ERC1: variants seen among roughly 807,000 people sequenced by gnomAD.
ERC1 encodes the protein ELKS/RAB6-interacting/CAST family member 1.
A neutral mutation model predicts 132.0 loss-of-function variants in ERC1; 56 were observed. The ratio of observed to expected loss-of-function variants is 0.42; its 90% CI spans 0.34 to 0.53. The LOEUF (loss-of-function observed/expected upper bound fraction) is 0.53, where lower values mean the gene tolerates loss of function less well. ERC1 is among the 20% of genes least tolerant of loss of function. The probability of loss-of-function intolerance (pLI) is 0.03; values close to 1 mark genes in which losing one functional copy is unlikely to be tolerated. For missense variants in ERC1, 1,202 were observed against 1,349.9 expected, an observed-to-expected ratio of 0.89 and a Z score of 1.72; for synonymous variants, 478 against 476.1, an observed-to-expected ratio of 1.00 and a Z score of -0.05.
chr12:1,473,973 T>C (rs1273853544), intron 18 of ERC1, among the ~76,000 whole-genome samples: 1 of 152,336 alleles, frequency 6.6e-6, no homozygotes, highest in East Asian at 1.9e-4. Flanking sequence ...GTAAGTTTTA[T>C]GTCTTATTCA....
At chr12:1,483,784 G>A (rs1418831244) in intron 18 of ERC1, among the ~76,000 whole-genome samples, 1 of 145,224 alleles carries the variant, frequency 6.9e-6, no homozygotes, top group African/African-American at 2.6e-5. Flanking sequence ...CCGCCTCTGG[G>A]GTTCAAGCTT....
chr12:1,138,095 C>CATATTATAATATTATATATAATA (rs1335867512), intron 7 of ERC1, among the ~76,000 whole-genome samples: 1 of 121,660 alleles, frequency 8.2e-6, no homozygotes, highest in South Asian at 2.2e-4. Context: ...AATATATAAT[C>CATATTATAATATTATATATAATA]CATATTATAA....
intron 17 of ERC1, among the ~76,000 whole-genome samples, chr12:1,420,919 TGG>T (rs57475289): frequency 0.28 from 28,208 of 99,750 alleles, 3,734 homozygotes; most frequent in Middle Eastern, 0.5. Flanking sequence ...GGTTTTGGTT[TGG>T]GGGGGGGGGG....
intron 14 of ERC1, among the ~76,000 whole-genome samples, chr12:1,266,604 C>T (rs2077500083): frequency 6.6e-6 from 1 of 151,636 alleles, no homozygotes; most frequent in African/African-American, 2.4e-5. Flanking sequence ...GGGGTTTCAC[C>T]ATGTTGGCCA....
chr12:1,329,963 A>G (rs1311810661), intron 15 of ERC1, among the ~76,000 whole-genome samples: 3 of 152,200 alleles, frequency 2.0e-5, no homozygotes, highest in Non-Finnish European at 2.9e-5. Context: ...ACAGTTCCCA[A>G]TGGAAGTAAA....
intron 12 of ERC1, among the ~76,000 whole-genome samples, chr12:1,199,833 T>G (rs979982264): frequency 1.4e-4 from 22 of 151,868 alleles, no homozygotes; most frequent in African/African-American, 5.3e-4. Context: ...TTGGGCTAAA[T>G]TCTGAGCATA....
Position 1,493,525 on chromosome 12 carries a change from T to A in ERC1, c.*3295T>A, listed in dbSNP as rs2094334300. 2.4e-5 allele frequency: 1 copy of A among 42,328 alleles called. No individual in the cohort carries two copies. The highest frequency in any genetic ancestry group is 7.6e-5 in the African/African-American group (1 of 13,098). 2.6% of individuals were successfully genotyped at this position (42,328 alleles called of 1,614,324 possible). On this transcript the variant is annotated 3_prime_UTR_variant, in exon 19 of 19. Transcript: ENST00000360905. ...GCACTCCAGCCTGGGTGACAGAGAC[T>A]CCATTTAAAAAAAAAAAAAAAAAAT...
intron 13 of ERC1, among the ~76,000 whole-genome samples, chr12:1,255,169 C>T (rs2076712694): frequency 6.6e-6 from 1 of 150,966 alleles, no homozygotes; most frequent in African/African-American, 2.4e-5. Flanking sequence ...TTGTTCAACT[C>T]CCACTTATGA....
intron 15 of ERC1, among the ~76,000 whole-genome samples, chr12:1,350,029 T>G (rs1450593942): frequency 6.6e-6 from 1 of 152,224 alleles, no homozygotes; most frequent in Non-Finnish European, 1.5e-5. Context: ...CTTTCTTCTT[T>G]TGGCACCAAA....
chr12:1,163,156 T>G (rs11833895), intron 8 of ERC1, among the ~76,000 whole-genome samples: 7,212 of 152,300 alleles, frequency 0.047, 561 homozygotes, highest in African/African-American at 0.16. Flanking sequence ...TGCAAAGTAT[T>G]ATTTAACTTC....
intron 1 of ERC1, among the ~76,000 whole-genome samples, chr12:994,813 T>C (rs977455273): frequency 4.6e-5 from 7 of 151,802 alleles, no homozygotes; most frequent in African/African-American, 7.3e-5. Flanking sequence ...ATAAAAAAAT[T>C]AGGCCGGGTG....
At chr12:1,471,489 A>G (rs952008674) in intron 18 of ERC1, among the ~76,000 whole-genome samples, 2 of 152,212 alleles carry the variant, frequency 1.3e-5, no homozygotes, top group Non-Finnish European at 2.9e-5. Flanking sequence ...GAAAGCAAAC[A>G]TTTGTTCTGG....
rs1358640651 is a variant in ERC1 at position 1,487,542 on chromosome 12, A to AAAAAAAAAAAAG, written c.3214-2548_3214-2547insAAAAAAAAGAAA. On this transcript the variant is annotated intron_variant, in intron 18 of 18. Coordinates refer to ENST00000360905, the MANE Select transcript of ERC1 (RefSeq NM_178040.4). ...CAACATAGTTAGACCGCACCTCTAA[A>AAAAAAAAAAAAG]AAAGAAAAAGAAAAGAGAAATACAA... 2.9e-4 allele frequency among the ~76,000 whole-genome samples: 44 copies of AAAAAAAAAAAAG among 151,034 alleles called. 1 individual carries two copies. The highest frequency in any genetic ancestry group is 5.6e-4 in the Non-Finnish European group (38 of 67,648).
intron 15 of ERC1, 111 bp from the exon 16 acceptor site, chr12:1,371,722 C>T (rs2087260316): frequency 5.2e-6 from 7 of 1,339,674 alleles, no homozygotes; most frequent in Middle Eastern, 2.8e-4. Flanking sequence ...GCGCTGTTGG[C>T]GTTTGCTTTC....
chr12:1,267,149 A>G (rs1454020002), intron 14 of ERC1, among the ~76,000 whole-genome samples: 1 of 152,230 alleles, frequency 6.6e-6, no homozygotes, highest in Non-Finnish European at 1.5e-5. Flanking sequence ...GTAATGACCT[A>G]ATGAAGGAAG....
At chr12:1,371,154 G>C (rs1024090380) in intron 15 of ERC1, among the ~76,000 whole-genome samples, 1 of 152,018 alleles carries the variant, frequency 6.6e-6, no homozygotes, top group East Asian at 1.9e-4. Flanking sequence ...CTCATCTTAC[G>C]TAACTTAGGC....
At chr12:1,469,074 T>A (rs1032332487) in intron 18 of ERC1, among the ~76,000 whole-genome samples, 1 of 152,266 alleles carries the variant, frequency 6.6e-6, no homozygotes, top group African/African-American at 2.4e-5. Flanking sequence ...TACATGTCTG[T>A]GCTAGGTGTT....
Position 1,292,763 on chromosome 12 carries a change from C to T in ERC1, c.2780+2751C>T, listed in dbSNP as rs542897951. 1.3e-4 allele frequency among the ~76,000 whole-genome samples: 20 copies of T among 152,322 alleles called. No individual in the cohort carries two copies. The East Asian group carries it at 3.1e-3, about 24-fold the overall frequency. On this transcript the variant is annotated intron_variant, in intron 15 of 18. Coordinates refer to ENST00000360905, the MANE Select transcript of ERC1 (RefSeq NM_178040.4). ...CGGTGGTTCACACCTGTAATCCCAACACTTTGGGAGGCCGAGGCGGGTGGA... is the reference window on the plus strand; with the variant it reads ...CGGTGGTTCACACCTGTAATCCCAATACTTTGGGAGGCCGAGGCGGGTGGA...
intron 15 of ERC1, among the ~76,000 whole-genome samples, chr12:1,366,916 A>G (rs1180575855): frequency 6.6e-6 from 1 of 152,226 alleles, no homozygotes; most frequent in Non-Finnish European, 1.5e-5. Context: ...CATGACCTGC[A>G]GAGGACATAA....
Sources: gnomAD v4.1 joint callset for allele counts (sites outside exome capture counted in the v4.1 genomes callset) on GRCh38, gnomAD v4.1.1 for gene constraint, MANE v1.5 for transcripts, NCBI Gene and HGNC (gene_info 2026-07-23, HGNC 2026-07-21) for gene names.